The following DNAH9 variants were observed in gnomAD, a reference collection of about 807,000 sequenced individuals.
DNAH9 encodes the protein DNAH9 variant protein.
Under a neutral mutation model 471.6 loss-of-function variants are expected in DNAH9, and 345 were observed. That is an observed-to-expected ratio of 0.73 (90% confidence interval 0.67 to 0.80). The LOEUF (loss-of-function observed/expected upper bound fraction) is 0.80, where lower values mean the gene tolerates loss of function less well. Ranked by LOEUF, DNAH9 falls within the 30% of genes least tolerant of loss-of-function variation. The pLI, the probability that DNAH9 is intolerant of heterozygous loss-of-function variation, is 0.00. For missense variants in DNAH9, 5,407 were observed against 5,609.2 expected, an observed-to-expected ratio of 0.96 and a Z score of 1.15; for synonymous variants, 2,093 against 2,123.6, an observed-to-expected ratio of 0.99 and a Z score of 0.40.
rs2072554298 is a variant in DNAH9 at position 11,608,343 on chromosome 17, G to A, written c.614+18G>A. 6.4e-7 allele frequency: 1 copy of A among 1,563,156 alleles called. No homozygotes were observed. Among genetic ancestry groups the A allele is most frequent in the Non-Finnish European group, 8.7e-7 (1 of 1,147,750 alleles). Reference sequence around the variant, plus strand: ...GAGACAGTGTAAGTACCGCCAGCCTGGCCATATGGGCCTCTGAGATATGGG... The same window carrying A: ...GAGACAGTGTAAGTACCGCCAGCCTAGCCATATGGGCCTCTGAGATATGGG... On this transcript the variant is annotated intron_variant, in intron 2 of 68. Coordinates refer to ENST00000262442, the MANE Select transcript of DNAH9 (RefSeq NM_001372.4).
intron 19 of DNAH9, among the ~76,000 whole-genome samples, chr17:11,681,179 T>TTTACTAGGA (rs1368230336): frequency 4.6e-5 from 7 of 152,176 alleles, no homozygotes; most frequent in Admixed American, 3.3e-4. Flanking sequence ...GGTGGTATAA[T>TTTACTAGGA]TACTAGGATT....
rs2074121566 is a variant in DNAH9, at chr17:11,680,850, A to C, written c.3704A>C (p.Gln1235Pro). The C allele has an allele frequency of 1.2e-6, 2 of 1,613,412 alleles. No homozygotes were observed. Among genetic ancestry groups the C allele is most frequent in the Admixed American group, 3.3e-5 (2 of 59,938 alleles). ...QRCTAFDAEQ[Q>P]QFWEQFHKEA... ...TGCACAGCCTTCGATGCAGAACAGC[A>C]GCAATTCTGGGAGCAATTCCACAAA... Residue 1235 changes from glutamine (Q) to proline (P), a missense_variant, in exon 19 of 69, where the codon CAG (glutamine) becomes CCG (proline). This residue lies in a region of DNAH9 where 4,636 missense variants were observed against 4,900.3 expected (regional missense o/e 0.95). Coordinates refer to ENST00000262442, the MANE Select transcript of DNAH9 (RefSeq NM_001372.4).
chr17:11,731,032 G>A (rs2075255692), intron 28 of DNAH9, among the ~76,000 whole-genome samples: 1 of 152,042 alleles, frequency 6.6e-6, no homozygotes, highest in East Asian at 1.9e-4. Context: ...GATGATGATG[G>A]TGGTGTCAGT....
At position 11,745,059 on chromosome 17, in the gene DNAH9, A is replaced by G; in HGVS notation, c.6374A>G (p.Gln2125Arg). ...AAGGCGATAGTGGATCTGAAGCTCC[A>G]GGCTGAGGACAACTTTGTGCTCAAG... Reference protein sequence around the residue: ...VRKAIVDLKLQAEDNFVLKVV... With the variant: ...VRKAIVDLKLRAEDNFVLKVV... Residue 2125 changes from glutamine to arginine, a missense_variant, in exon 31 of 69, where the codon CAG becomes CGG. This residue lies in a region of DNAH9 where 4,636 missense variants were observed against 4,900.3 expected (regional missense o/e 0.95). Transcript: ENST00000262442. 6.2e-7 allele frequency: 1 copy of G among 1,613,690 alleles called. No individual in the cohort carries two copies. Among genetic ancestry groups the G allele is most frequent in the Non-Finnish European group, 8.5e-7 (1 of 1,179,640 alleles).
intron 61 of DNAH9, among the ~76,000 whole-genome samples, chr17:11,921,111 A>G (rs559405560): frequency 9.2e-5 from 14 of 151,860 alleles, no homozygotes; most frequent in South Asian, 2.1e-4. Context: ...ACTGCACTCC[A>G]GCCTGGGTGT....
chr17:11,753,417 C>T (rs908863813), intron 33 of DNAH9, among the ~76,000 whole-genome samples: 7 of 152,182 alleles, frequency 4.6e-5, no homozygotes, highest in African/African-American at 1.7e-4. Flanking sequence ...GTAGTCCCAG[C>T]ACCCTGGGAG....
intron 48 of DNAH9, among the ~76,000 whole-genome samples, chr17:11,833,354 A>C (rs1262593791): frequency 6.6e-6 from 1 of 152,228 alleles, no homozygotes; most frequent in Non-Finnish European, 1.5e-5. Context: ...AGAACAATCA[A>C]AGGCTATTTA....
At chr17:11,686,745 C>CT (rs1192558671) in intron 19 of DNAH9, among the ~76,000 whole-genome samples, 5 of 152,192 alleles carry the variant, frequency 3.3e-5, no homozygotes, top group Non-Finnish European at 7.3e-5. Flanking sequence ...TTTAAGAATG[C>CT]TTATGGGTGC....
At chr17:11,808,209 A>T (rs954637740) in intron 44 of DNAH9, among the ~76,000 whole-genome samples, 1 of 152,178 alleles carries the variant, frequency 6.6e-6, no homozygotes, top group Non-Finnish European at 1.5e-5. Context: ...GTGGGAGCAG[A>T]CAGATGGAAT....
intron 14 of DNAH9, among the ~76,000 whole-genome samples, chr17:11,663,705 T>C (rs2073815918): frequency 6.6e-6 from 1 of 152,216 alleles, no homozygotes; most frequent in Admixed American, 6.5e-5. Context: ...GATATAGATA[T>C]TATATTGATA....
intron 7 of DNAH9, among the ~76,000 whole-genome samples, chr17:11,632,376 A>G (rs1171638046): frequency 6.6e-6 from 1 of 152,200 alleles, no homozygotes; most frequent in Non-Finnish European, 1.5e-5. Flanking sequence ...AATTCATTTC[A>G]CCATCTTGCT....
At chr17:11,938,144 G>T (rs1240707099) in intron 66 of DNAH9, among the ~76,000 whole-genome samples, 1 of 152,088 alleles carries the variant, frequency 6.6e-6, no homozygotes, top group Non-Finnish European at 1.5e-5. Flanking sequence ...GGCAACATGG[G>T]GGCTCTGATC....
Position 11,883,658 on chromosome 17 carries a change from C to T in DNAH9, c.10879C>T (p.Leu3627Phe), listed in dbSNP as rs764284993. Residue 3627 changes from leucine (L) to phenylalanine (F), a missense_variant, in exon 56 of 69, where the codon CTC becomes TTC. Leu to Phe is a conservative substitution (Grantham distance 22). This residue lies in a region of DNAH9 where 4,636 missense variants were observed against 4,900.3 expected (regional missense o/e 0.95). Coordinates refer to ENST00000262442, the MANE Select transcript of DNAH9 (RefSeq NM_001372.4). ...KTLEDSLLSR[L>F]SSASGNFLGE... ...GTTGGAAGACAGTCTTCTCTCTCGC[C>T]TCTCCTCCGCCTCTGGGAACTTCCT... 1.9e-6 allele frequency: 3 copies of T among 1,614,114 alleles called. No homozygotes were observed. Among genetic ancestry groups the T allele is most frequent in the Non-Finnish European group, 2.5e-6 (3 of 1,179,982 alleles).
At chr17:11,677,218 A>G (rs1054429195) in intron 17 of DNAH9, among the ~76,000 whole-genome samples, 1 of 152,090 alleles carries the variant, frequency 6.6e-6, no homozygotes, top group African/African-American at 2.4e-5. Flanking sequence ...TTAATCTATC[A>G]TCACTTACTA....
intron 45 of DNAH9, among the ~76,000 whole-genome samples, chr17:11,818,206 G>A (rs530511810): frequency 7.9e-5 from 12 of 152,228 alleles, no homozygotes; most frequent in East Asian, 1.9e-4. Context: ...CGAGGCAGGC[G>A]GATCACAAGG....
In DNAH9 at chr17:11,699,847, T is replaced by C; in HGVS notation, c.4989T>C (p.Tyr1663=). The C allele has an allele frequency of 1.2e-6, 2 of 1,614,176 alleles. No individual in the cohort carries two copies. The highest frequency in any genetic ancestry group is 1.7e-6 in the Non-Finnish European group (2 of 1,180,028). The part of the protein sequence containing the change: ...SLGMYSKEEE[Y]VAFSEPCDCS... ...GCATGTACAGCAAAGAAGAGGAGTA[T>C]GTGGCTTTCAGTGAGCCCTGTGACT... The change falls in exon 23 of 69, where the codon TAT becomes TAC. Residue 1663 remains tyrosine, a synonymous_variant. Transcript: ENST00000262442.
intron 45 of DNAH9, among the ~76,000 whole-genome samples, chr17:11,812,562 C>T (rs577264705): frequency 6.6e-6 from 1 of 152,218 alleles, no homozygotes; most frequent in East Asian, 1.9e-4. Context: ...AGCCACTGGT[C>T]CCTGGTCCAG....
intron 67 of DNAH9, among the ~76,000 whole-genome samples, chr17:11,953,147 G>A (rs1032850351): frequency 6.6e-6 from 1 of 152,156 alleles, no homozygotes; most frequent in Non-Finnish European, 1.5e-5. Flanking sequence ...TGGAGGGTTG[G>A]GGCTTCAACA....
chr17:11,747,433 A>G (rs2150843676), intron 31 of DNAH9, 123 bp from the exon 32 acceptor site: 1 of 698,404 alleles, frequency 1.4e-6, no homozygotes, highest in Non-Finnish European at 2.6e-6. Flanking sequence ...ATCTTGGGGT[A>G]GATAACTCTT....
Sources: gnomAD v4.1 joint callset for allele counts (sites outside exome capture counted in the v4.1 genomes callset) on GRCh38, gnomAD v4.1.1 for gene constraint, gnomAD v4.1.1 regional missense constraint, MANE v1.5 for transcripts, NCBI Gene and HGNC (gene_info 2026-07-23, HGNC 2026-07-21) for gene names.